Variants in PCDHA2 observed in about 807,000 individuals in gnomAD.
PCDHA2 encodes protocadherin alpha-2.
A neutral mutation model predicts 66.0 loss-of-function variants in PCDHA2; 58 were observed. The ratio of observed to expected loss-of-function variants is 0.88; its 90% CI spans 0.71 to 1.09. The LOEUF is 1.09. PCDHA2 is among the 50% of genes least tolerant of loss of function. PCDHA2 has a pLI of 0.00. For missense variants in PCDHA2, 1,267 were observed against 1,242.3 expected (o/e 1.02, Z -0.30); for synonymous variants, 634 against 554.0 (o/e 1.14, Z -2.03).
At position 140,796,415 on chromosome 5, in the gene PCDHA2, C is replaced by A. The variant is rs782310227; in HGVS notation, c.1451C>A (p.Ala484Glu). The change falls in exon 1 of 4, where the codon GCG (alanine) becomes GAG (glutamate). Residue 484 changes from alanine to glutamate, a missense_variant. Coordinates refer to ENST00000526136, the MANE Select transcript of PCDHA2 (RefSeq NM_018905.3). Reference sequence around the variant, plus strand: ...ACGGTGTCAGCGTGGGATGCGGACGCGCAGGAGAACGCGCTGGTGTCCTAC... The same window carrying A: ...ACGGTGTCAGCGTGGGATGCGGACGAGCAGGAGAACGCGCTGGTGTCCTAC... ...IFTVSAWDAD[A>E]QENALVSYSL... is the part of the protein sequence containing the mutation. 6.2e-7 allele frequency: 1 copy of A among 1,613,830 alleles called. No homozygotes were observed. The highest frequency in any genetic ancestry group is 8.5e-7 in the Non-Finnish European group (1 of 1,179,948).
rs529252017 is a variant in PCDHA2, at chr5:140,801,485, C to T, written c.2388+4133C>T. ...CTCGGATAGACCGCGAGGAACTGTGCGGGCGGAGCGCGGAGTGCAGCATCC... is the reference window on the plus strand; with the variant it reads ...CTCGGATAGACCGCGAGGAACTGTGTGGGCGGAGCGCGGAGTGCAGCATCC... On this transcript the variant is annotated intron_variant, in intron 1 of 3. Coordinates refer to ENST00000526136, the MANE Select transcript of PCDHA2 (RefSeq NM_018905.3). 1.1e-5 allele frequency: 18 copies of T among 1,614,078 alleles called. No homozygotes were observed. The South Asian group carries it at 1.9e-4, about 17-fold the overall frequency.
intron 1 of PCDHA2, chr5:140,823,490 C>G (rs2150126315): frequency 6.2e-7 from 1 of 1,613,236 alleles, no homozygotes; most frequent in Non-Finnish European, 8.5e-7. Flanking sequence ...GTGGGTGGCA[C>G]CGGCGGCGCA....
intron 1 of PCDHA2, chr5:140,853,295 G>T: frequency 1.0e-6 from 1 of 982,026 alleles, no homozygotes. Flanking sequence ...ATTCTCAGAA[G>T]GGCTGTGAAC....
At chr5:140,967,155 C>A (rs1554229255) in intron 1 of PCDHA2, 1 of 1,610,598 alleles carries the variant, frequency 6.2e-7, no homozygotes, top group Admixed American at 1.7e-5. Context: ...AACCCCGTGG[C>A]GGTGAGCGCC....
chr5:140,946,516 C>G (rs551838143), intron 1 of PCDHA2, among the ~76,000 whole-genome samples: 1 of 151,020 alleles, frequency 6.6e-6, no homozygotes, highest in Non-Finnish European at 1.5e-5. Context: ...AAGACCTATC[C>G]GCACTCCCAT....
rs1350835757 is a variant in PCDHA2, at chr5:141,010,856, A to G, written c.*919A>G. Reference sequence around the variant, plus strand: ...CATAGATTTATTTAAAAAAAGAGAAAGTCTATAGCTATAAATCTTTAAAGA... The same window carrying G: ...CATAGATTTATTTAAAAAAAGAGAAGGTCTATAGCTATAAATCTTTAAAGA... On this transcript the variant is annotated 3_prime_UTR_variant, in exon 4 of 4. Coordinates refer to ENST00000526136, the MANE Select transcript of PCDHA2 (RefSeq NM_018905.3). The G allele has an allele frequency of 1.3e-5, 2 of 153,800 alleles. No homozygotes were observed. Among genetic ancestry groups the G allele is most frequent in the African/African-American group, 2.4e-5 (1 of 41,464 alleles). The allele number at this position is 153,800 out of a possible 1,614,324, so 9.5% of individuals were successfully genotyped here. A position where few individuals can be genotyped will look rare whatever the true frequency, so the allele number is the denominator to read the frequency against.
At chr5:140,903,386 T>C (rs1053060392) in intron 1 of PCDHA2, among the ~76,000 whole-genome samples, 3 of 152,222 alleles carry the variant, frequency 2.0e-5, no homozygotes, top group Non-Finnish European at 4.4e-5. Context: ...TTGTGGTTAC[T>C]TCTAGAAACA....
intron 1 of PCDHA2, chr5:140,928,484 G>A (rs1371678688): frequency 1.5e-5 from 25 of 1,614,026 alleles, no homozygotes; most frequent in African/African-American, 4.0e-5. Context: ...CGGGATGGTG[G>A]CATTCCTCCC....
Position 141,010,316 on chromosome 5 carries a change from G to T in PCDHA2, c.*379G>T. ...GGGCAGGCTGAAAAGTTTTGAGATT[G>T]AGCAGCTTGGGAGTTTGTGGCCACT... On this transcript the variant is annotated 3_prime_UTR_variant, in exon 4 of 4. Coordinates refer to ENST00000526136, the MANE Select transcript of PCDHA2 (RefSeq NM_018905.3). The T allele has an allele frequency of 1.3e-6, 2 of 1,546,404 alleles. No individual in the cohort carries two copies. The highest frequency in any genetic ancestry group is 2.4e-5 in the South Asian group (2 of 83,328).
chr5:140,801,183 T>G (rs932527237), intron 1 of PCDHA2: 18 of 1,574,054 alleles, frequency 1.1e-5, no homozygotes, highest in Non-Finnish European at 1.5e-5. Flanking sequence ...ATCTAATATT[T>G]GGAAAATACT....
chr5:140,912,359 G>A (rs1483575347), intron 1 of PCDHA2, among the ~76,000 whole-genome samples: 1 of 131,950 alleles, frequency 7.6e-6, no homozygotes, highest in Non-Finnish European at 1.6e-5. Context: ...TTTTTTTTTT[G>A]CAGCTGTTGT....
At chr5:140,835,406 G>A (rs1773617181) in intron 1 of PCDHA2, 1 of 1,613,856 alleles carries the variant, frequency 6.2e-7, no homozygotes, top group African/African-American at 1.3e-5. Context: ...TGGAAGTTGT[G>A]GATGTAAATG....
intron 1 of PCDHA2, chr5:140,868,284 G>A (rs1554161873): frequency 6.6e-6 from 1 of 152,004 alleles, no homozygotes; most frequent in Non-Finnish European, 1.5e-5. Flanking sequence ...TACCAAGTTT[G>A]AGAATATGAA....
chr5:140,957,257 T>C (rs2095345219), intron 1 of PCDHA2, among the ~76,000 whole-genome samples: 1 of 152,184 alleles, frequency 6.6e-6, no homozygotes, highest in Admixed American at 6.5e-5. Context: ...AATTTAAATA[T>C]GTAAGCACTA....
intron 1 of PCDHA2, among the ~76,000 whole-genome samples, chr5:140,937,326 C>A (rs1287239556): frequency 2.0e-5 from 3 of 152,046 alleles, no homozygotes; most frequent in African/African-American, 7.2e-5. Flanking sequence ...CGTGAGCCAC[C>A]GCGCCCGGCT....
At chr5:140,903,916 T>C (rs1192195691) in intron 1 of PCDHA2, among the ~76,000 whole-genome samples, 1 of 152,260 alleles carries the variant, frequency 6.6e-6, no homozygotes, top group African/African-American at 2.4e-5. Flanking sequence ...TGTGACTTCC[T>C]TGCTGCATTG....
At chr5:140,822,588 C>A (rs1554128732) in intron 1 of PCDHA2, 2 of 1,609,546 alleles carry the variant, frequency 1.2e-6, no homozygotes, top group South Asian at 1.1e-5. Flanking sequence ...CAGATGAGGG[C>A]ATCAATAAGG....
chr5:140,821,986 G>C (rs2150112633), intron 1 of PCDHA2: 11 of 1,614,150 alleles, frequency 6.8e-6, no homozygotes, highest in South Asian at 3.3e-5. Context: ...CAAGGGCCGC[G>C]GGGACCTTCT....
chr5:140,866,116 T>C (rs1232986434), intron 1 of PCDHA2: 2 of 152,196 alleles, frequency 1.3e-5, no homozygotes, highest in Non-Finnish European at 2.9e-5. Flanking sequence ...AGTTGCCTTA[T>C]AAGAACTACG....
Sources: gnomAD v4.1 joint callset for allele counts (sites outside exome capture counted in the v4.1 genomes callset) on GRCh38, gnomAD v4.1.1 for gene constraint, MANE v1.5 for transcripts, NCBI Gene and HGNC (gene_info 2026-07-23, HGNC 2026-07-21) for gene names.